The following LRRTM4 variants were observed in gnomAD, a reference collection of about 807,000 sequenced individuals.
LRRTM4 encodes leucine rich repeat transmembrane neuronal 4.
In LRRTM4, 25 loss-of-function variants were observed where a neutral mutation model predicts 47.6. That is an observed-to-expected ratio of 0.53 (90% CI 0.38 to 0.73). The LOEUF (loss-of-function observed/expected upper bound fraction) is 0.73. LRRTM4 is among the 30% of genes least tolerant of loss of function. LRRTM4 has a pLI of 0.00. For synonymous variants in LRRTM4, 311 were observed against 269.5 expected (o/e 1.15, Z -1.51); for missense variants, 638 against 713.4 (o/e 0.89, Z 1.20).
intron 3 of LRRTM4, among the ~76,000 whole-genome samples, chr2:76,871,635 A>G (rs1174563744): frequency 2.0e-5 from 3 of 152,292 alleles, no homozygotes; most frequent in African/African-American, 7.2e-5. Flanking sequence ...CTCCCCATGA[A>G]TGGGCAGGAA....
chr2:77,112,325 G>A (rs1466484366), intron 3 of LRRTM4, among the ~76,000 whole-genome samples: 1 of 152,122 alleles, frequency 6.6e-6, no homozygotes, highest in African/African-American at 2.4e-5. Flanking sequence ...GAATAACCAA[G>A]AAAGAATTTA....
At position 77,367,407 on chromosome 2, in the gene LRRTM4, C is replaced by T. The variant is rs1344014544; in HGVS notation, c.1551+150911G>A. ...TTAATTATAAATATCTAATTTTCTA[C>T]TTGAATTATTAACAACTTGTTTAGA... On this transcript the variant is annotated intron_variant, in intron 3 of 3. Transcript: ENST00000409884. 2.6e-5 allele frequency among the ~76,000 whole-genome samples: 4 copies of T among 151,662 alleles called. No homozygotes were observed. The South Asian group carries it at 6.2e-4, about 24-fold the overall frequency.
chr2:76,901,120 G>A (rs1366965103), intron 3 of LRRTM4, among the ~76,000 whole-genome samples: 1 of 152,020 alleles, frequency 6.6e-6, no homozygotes, highest in Non-Finnish European at 1.5e-5. Flanking sequence ...GTATACCATG[G>A]TGGTTTGCTG....
At chr2:77,396,347 T>C (rs1673703773) in intron 3 of LRRTM4, among the ~76,000 whole-genome samples, 1 of 151,906 alleles carries the variant, frequency 6.6e-6, no homozygotes, top group Admixed American at 6.6e-5. Flanking sequence ...CATTCATCAT[T>C]TCCAGCTTGT....
chr2:77,352,463 G>T (rs563287934), intron 3 of LRRTM4, among the ~76,000 whole-genome samples: 1 of 152,168 alleles, frequency 6.6e-6, no homozygotes, highest in East Asian at 1.9e-4. Flanking sequence ...TCCAGGAATT[G>T]CAATTAATTT....
In LRRTM4 at chr2:77,393,022, C is replaced by T. The variant is rs565563569; in HGVS notation, c.1551+125296G>A. On this transcript the variant is annotated intron_variant, in intron 3 of 3. Transcript: ENST00000409884. ...CTTTTCGGTTAAAAAAAGAACTATGCCACCAATAAATAATCAAAGGTAGAC... is the reference window on the plus strand; with the variant it reads ...CTTTTCGGTTAAAAAAAGAACTATGTCACCAATAAATAATCAAAGGTAGAC... 2.0e-5 allele frequency among the ~76,000 whole-genome samples: 3 copies of T among 151,958 alleles called. No homozygotes were observed. In the South Asian group the frequency reaches 6.2e-4, roughly 32 times the overall value.
At chr2:77,395,218 A>C (rs572372374) in intron 3 of LRRTM4, among the ~76,000 whole-genome samples, 66 of 151,794 alleles carry the variant, frequency 4.3e-4, no homozygotes, top group African/African-American at 1.6e-3. Flanking sequence ...GGCGTATCTG[A>C]CCTCTCATCC....
intron 3 of LRRTM4, among the ~76,000 whole-genome samples, chr2:77,256,492 G>T (rs1349519826): frequency 6.6e-6 from 1 of 152,088 alleles, no homozygotes; most frequent in Non-Finnish European, 1.5e-5. Flanking sequence ...CCAGTGGGAG[G>T]TAATTGAATC....
Position 76,892,531 on chromosome 2 carries a change from T to C in LRRTM4, c.1552-143615A>G, listed in dbSNP as rs550041659. ...CTAATTTATGCTTTCTGAAAACTTA[T>C]TTAAGTGTAAACTGCAATTTTTTTT... On this transcript the variant is annotated intron_variant, in intron 3 of 3. Transcript: ENST00000409884. Among the ~76,000 whole-genome samples the C allele has an allele frequency of 6.6e-5, 10 of 151,874 alleles. No homozygotes were observed. In the South Asian group the frequency reaches 1.7e-3, roughly 25 times the overall value.
intron 3 of LRRTM4, among the ~76,000 whole-genome samples, chr2:76,823,771 A>G (rs1385987265): frequency 1.3e-3 from 190 of 151,548 alleles, no homozygotes; most frequent in Non-Finnish European, 2.6e-3. Flanking sequence ...AGATATCAAA[A>G]AATAAAAGTC....
chr2:76,882,176 G>A (rs1672949791), intron 3 of LRRTM4, among the ~76,000 whole-genome samples: 2 of 152,084 alleles, frequency 1.3e-5, no homozygotes, highest in South Asian at 4.1e-4. Flanking sequence ...TTTCTACTAA[G>A]TGATGTCTAT....
Position 76,894,935 on chromosome 2 carries a change from CATT to C in LRRTM4, c.1552-146022_1552-146020del, listed in dbSNP as rs1171258895. On this transcript the variant is annotated intron_variant, in intron 3 of 3. Coordinates refer to ENST00000409884, the MANE Select transcript of LRRTM4 (RefSeq NM_001134745.3). Reference sequence around the variant, plus strand: ...AGATACAACTCATTAATAATTTATGCATTATATTTTATCTTATCAATAAAGTAT... The same window carrying C: ...AGATACAACTCATTAATAATTTATGCATATTTTATCTTATCAATAAAGTAT... Among the ~76,000 whole-genome samples the C allele has an allele frequency of 9.9e-5, 15 of 151,036 alleles. 1 individual carries two copies. The highest frequency in any genetic ancestry group is 2.7e-4 in the African/African-American group (11 of 41,140).
At chr2:77,156,924 CT>C in intron 3 of LRRTM4, among the ~76,000 whole-genome samples, 1 of 151,736 alleles carries the variant, frequency 6.6e-6, no homozygotes, top group Non-Finnish European at 1.5e-5. Flanking sequence ...TTTAGTGGGC[CT>C]TTTGCTTTTT....
chr2:76,754,922 A>G (rs1178054877), intron 3 of LRRTM4, among the ~76,000 whole-genome samples: 1 of 152,188 alleles, frequency 6.6e-6, no homozygotes, highest in African/African-American at 2.4e-5. Context: ...GCACATGTGC[A>G]CAACAGCAAA....
chr2:77,161,322 C>G (rs1359465549), intron 3 of LRRTM4, among the ~76,000 whole-genome samples: 1 of 152,148 alleles, frequency 6.6e-6, no homozygotes, highest in Non-Finnish European at 1.5e-5. Flanking sequence ...CCTCCTTTCT[C>G]AGGAACTGAT....
At chr2:76,846,221 C>T (rs551290841) in intron 3 of LRRTM4, among the ~76,000 whole-genome samples, 5 of 152,038 alleles carry the variant, frequency 3.3e-5, no homozygotes, top group East Asian at 3.9e-4. Context: ...GTGATGTAAG[C>T]GAGACACCTA....
chr2:76,787,821 G>A (rs1415184852), intron 3 of LRRTM4, among the ~76,000 whole-genome samples: 4 of 152,066 alleles, frequency 2.6e-5, no homozygotes, highest in Non-Finnish European at 5.9e-5. Flanking sequence ...GAAAAAGCCA[G>A]TTTCTGTCAG....
intron 3 of LRRTM4, among the ~76,000 whole-genome samples, chr2:77,287,056 AAAT>A (rs1372062181): frequency 5.3e-5 from 8 of 152,092 alleles, no homozygotes; most frequent in African/African-American, 1.9e-4. Flanking sequence ...GAAAAATATA[AAAT>A]AATGATACGT....
intron 3 of LRRTM4, among the ~76,000 whole-genome samples, chr2:77,074,310 T>A (rs1680261971): frequency 6.6e-6 from 1 of 152,200 alleles, no homozygotes; most frequent in Non-Finnish European, 1.5e-5. Context: ...CATTTGTACA[T>A]CCTGTCTTCA....
Sources: gnomAD v4.1 joint callset for allele counts (sites outside exome capture counted in the v4.1 genomes callset) on GRCh38, gnomAD v4.1.1 for gene constraint, MANE v1.5 for transcripts, NCBI Gene and HGNC (gene_info 2026-07-23, HGNC 2026-07-21) for gene names.